The following MAP3K13 variants were observed in gnomAD, a reference collection of about 807,000 sequenced individuals.
MAP3K13 encodes mitogen-activated protein kinase kinase kinase 13.
In MAP3K13, 52 loss-of-function variants were observed where a neutral mutation model predicts 104.0. The ratio of observed to expected loss-of-function variants is 0.50; its 90% confidence interval spans 0.40 to 0.63. MAP3K13 has a LOEUF of 0.63. MAP3K13 is among the 20% of genes least tolerant of loss of function. The pLI is 0.00. For synonymous variants in MAP3K13, 394 were observed against 442.2 expected, an observed-to-expected ratio of 0.89 and a Z score of 1.37; for missense variants, 914 against 1,218.5, an observed-to-expected ratio of 0.75 and a Z score of 3.72.
At chr3:185,451,235 A>G (rs561444178) in intron 6 of MAP3K13, 52 bp from the exon 7 acceptor site, 2 of 1,295,480 alleles carry the variant, frequency 1.5e-6, no homozygotes, top group East Asian at 4.6e-5. Context: ...TAAAATCTTC[A>G]TTCTCCTGGA....
At chr3:185,311,868 G>A (rs1721506373) in intron 2 of MAP3K13, among the ~76,000 whole-genome samples, 1 of 152,188 alleles carries the variant, frequency 6.6e-6, no homozygotes, top group Non-Finnish European at 1.5e-5. Context: ...TCATCAAAAG[G>A]AAAGTGAATG....
At chr3:185,468,102 C>CA (rs553341114) in intron 10 of MAP3K13, among the ~76,000 whole-genome samples, 141 of 152,142 alleles carry the variant, frequency 9.3e-4, no homozygotes, top group African/African-American at 3.3e-3. Context: ...AAACTGCCCC[C>CA]ATGATCCAAT....
chr3:185,415,875 T>C (rs1383635304), intron 1 of MAP3K13, among the ~76,000 whole-genome samples: 1 of 152,094 alleles, frequency 6.6e-6, no homozygotes, highest in Non-Finnish European at 1.5e-5. Flanking sequence ...GAGCCACTGC[T>C]CCCGGCCAAT....
chr3:185,476,384 A>T (rs947821474), intron 11 of MAP3K13: 3 of 151,220 alleles, frequency 2.0e-5, no homozygotes, highest in African/African-American at 7.3e-5. Flanking sequence ...AAAGCATATC[A>T]GAATACAAAT....
intron 10 of MAP3K13, among the ~76,000 whole-genome samples, chr3:185,472,254 G>T (rs1434319179): frequency 7.1e-6 from 1 of 141,256 alleles, no homozygotes; most frequent in Non-Finnish European, 1.5e-5. Flanking sequence ...CTGTTGCCCA[G>T]GCTGGAGTAG....
intron 2 of MAP3K13, among the ~76,000 whole-genome samples, chr3:185,344,104 G>C (rs747528072): frequency 3.9e-5 from 6 of 152,222 alleles, no homozygotes; most frequent in Non-Finnish European, 5.9e-5. Context: ...CCCTTTGCTA[G>C]ATGCTACCCA....
chr3:185,373,647 A>G (rs1468087782), intron 1 of MAP3K13, among the ~76,000 whole-genome samples: 2 of 152,194 alleles, frequency 1.3e-5, no homozygotes, highest in Admixed American at 6.5e-5. Flanking sequence ...ATTTCAAAAA[A>G]CAAACAAACA....
chr3:185,437,722 A>G, intron 3 of MAP3K13, 92 bp downstream of exon 3: 2 of 1,254,046 alleles, frequency 1.6e-6, no homozygotes, highest in Non-Finnish European at 2.2e-6. Context: ...ATATTTCAAA[A>G]GCATTCTCTA....
chr3:185,321,883 C>T (rs572406911), intron 2 of MAP3K13, among the ~76,000 whole-genome samples: 273 of 152,308 alleles, frequency 1.8e-3, no homozygotes, highest in African/African-American at 5.8e-3. Flanking sequence ...GGATTATAGG[C>T]GTGAGCCACC....
At position 185,488,887 on chromosome 3, in the gene MAP3K13, C is replaced by A. The variant is rs1560144535; in HGVS notation, c.*6431C>A. The A allele has an allele frequency of 6.6e-6, 1 of 152,160 alleles. No homozygotes were observed. The highest frequency in any genetic ancestry group is 1.5e-5 in the Non-Finnish European group (1 of 68,032). 9.4% of individuals were successfully genotyped at this position (152,160 alleles called of 1,614,324 possible). On this transcript the variant is annotated 3_prime_UTR_variant, in exon 14 of 14. Coordinates refer to ENST00000265026, the MANE Select transcript of MAP3K13 (RefSeq NM_004721.5). ...TTATTACAGTAATTTGAGCTCCTAT[C>A]GACTTGGAGCGAATGAATTTCTCTT...
chr3:185,486,317 A>G lies in MAP3K13; in HGVS notation c.*3861A>G, dbSNP rs1335529545. ...CGTAGTGGCTGAATCTCAGTCATTC[A>G]TTGTATAGTCGAGAGTTGAATAAAG... On this transcript the variant is annotated 3_prime_UTR_variant, in exon 14 of 14. Transcript: ENST00000265026. 6.6e-6 allele frequency: 1 copy of G among 152,226 alleles called. No homozygotes were observed. The highest frequency in any genetic ancestry group is 1.5e-5 in the Non-Finnish European group (1 of 68,050). 9.4% of individuals were successfully genotyped at this position (152,226 alleles called of 1,614,324 possible).
At chr3:185,374,160 G>A (rs1222598543) in intron 1 of MAP3K13, among the ~76,000 whole-genome samples, 1 of 152,058 alleles carries the variant, frequency 6.6e-6, no homozygotes, top group Non-Finnish European at 1.5e-5. Flanking sequence ...TGGATCTTCA[G>A]TTACTTCAGG....
At position 185,387,542 on chromosome 3, in the gene MAP3K13, T is replaced by C. The variant is rs1352293437; in HGVS notation, c.-86+24174T>C. Reference sequence around the variant, plus strand: ...AATTACCCAGCCTCGGGTATTCCTTTTTAAGAACACAAAATGGACTAAGAC... The same window carrying C: ...AATTACCCAGCCTCGGGTATTCCTTCTTAAGAACACAAAATGGACTAAGAC... On this transcript the variant is annotated intron_variant, in intron 1 of 13. Coordinates refer to ENST00000265026, the MANE Select transcript of MAP3K13 (RefSeq NM_004721.5). 2.0e-5 allele frequency among the ~76,000 whole-genome samples: 3 copies of C among 152,104 alleles called. No homozygotes were observed. In the East Asian group the frequency reaches 5.8e-4, roughly 29 times the overall value.
intron 2 of MAP3K13, among the ~76,000 whole-genome samples, chr3:185,297,908 T>A (rs1720975039): frequency 6.6e-6 from 1 of 151,982 alleles, no homozygotes; most frequent in Admixed American, 6.5e-5. Context: ...ATACAATTAA[T>A]AGATATTGTA....
At chr3:185,422,373 A>G (rs757952908) in intron 1 of MAP3K13, among the ~76,000 whole-genome samples, 13 of 152,240 alleles carry the variant, frequency 8.5e-5, no homozygotes, top group Non-Finnish European at 1.8e-4. Context: ...CATATGTGAA[A>G]TAAGTAGGTT....
At position 185,455,608 on chromosome 3, in the gene MAP3K13, T is replaced by TATATGATATATGATATCATATATATC. The variant is rs1472867729; in HGVS notation, c.1278+4217_1278+4218insGATATATGATATCATATATATCATAT. Among the ~76,000 whole-genome samples, 2 of 119,630 alleles carry TATATGATATATGATATCATATATATC rather than the reference T, an allele frequency of 1.7e-5. 1 individual carries two copies. Among genetic ancestry groups the TATATGATATATGATATCATATATATC allele is most frequent in the African/African-American group, 6.2e-5 (2 of 32,022 alleles). 78.5% of individuals were successfully genotyped at this position (119,630 alleles called of 152,430 possible). A position where few individuals can be genotyped will look rare whatever the true frequency, so the allele number is the denominator to read the frequency against. ...TGATATATATGAGATATATATATCA[T>TATATGATATATGATATCATATATATC]ATATATGAGATATATGATATATATA... On this transcript the variant is annotated intron_variant, in intron 7 of 13. Transcript: ENST00000265026.
chr3:185,284,143 C>T (rs867112165), intron 1 of MAP3K13, among the ~76,000 whole-genome samples: 1 of 151,840 alleles, frequency 6.6e-6, no homozygotes, highest in African/African-American at 2.4e-5. Context: ...CGGCCACTTT[C>T]CTTTTTCTTA....
chr3:185,473,830 C>A lies in MAP3K13; in HGVS notation c.2430+69C>A. 1 of 1,427,624 alleles carries A rather than the reference C, an allele frequency of 7.0e-7. No homozygotes were observed. Among genetic ancestry groups the A allele is most frequent in the Non-Finnish European group, 9.5e-7 (1 of 1,054,616 alleles). The allele number at this position is 1,427,624 out of a possible 1,614,324, so 88.4% of individuals were successfully genotyped here. A position where few individuals can be genotyped will look rare whatever the true frequency, so the allele number is the denominator to read the frequency against. On this transcript the variant is annotated intron_variant, in intron 11 of 13. Transcript: ENST00000265026. The surrounding 1 kb of genome is among the most constrained non-coding windows in gnomAD (Gnocchi z 4.9). ...GAATGCCAGAGCCTGTCATGTTATA[C>A]ACATTAGAGAGCATATGTAAAAAGT...
intron 7 of MAP3K13, among the ~76,000 whole-genome samples, chr3:185,457,206 C>A (rs1020535569): frequency 6.6e-6 from 1 of 151,896 alleles, no homozygotes; most frequent in African/African-American, 2.4e-5. Context: ...TAAAACTGAA[C>A]TCAGAAAAGG....
Sources: gnomAD v4.1 joint callset for allele counts (sites outside exome capture counted in the v4.1 genomes callset) on GRCh38, gnomAD v4.1.1 for gene constraint, Gnocchi (gnomAD v3.1) non-coding constraint, MANE v1.5 for transcripts, NCBI Gene and HGNC (gene_info 2026-07-23, HGNC 2026-07-21) for gene names.